Variants in PDE4D observed in about 807,000 individuals in gnomAD.
The protein encoded by PDE4D is 3',5'-cyclic-AMP phosphodiesterase 4D.
A neutral mutation model predicts 87.4 loss-of-function variants in PDE4D; 24 were observed. The ratio of observed to expected loss-of-function variants is 0.27; its 90% CI spans 0.20 to 0.39. The LOEUF is 0.39. Ranked by LOEUF, PDE4D falls within the 10% of genes least tolerant of loss-of-function variation. The pLI is 1.00. For synonymous variants in PDE4D, 384 were observed against 383.2 expected, an observed-to-expected ratio of 1.00 and a Z score of -0.02; for missense variants, 714 against 1,041.0, an observed-to-expected ratio of 0.69 and a Z score of 4.32.
At chr5:59,144,805 AGTTGCTTGACCCAG>A (rs1778364167) in intron 5 of PDE4D, among the ~76,000 whole-genome samples, 1 of 136,862 alleles carries the variant, frequency 7.3e-6, no homozygotes, top group Admixed American at 8.5e-5. Flanking sequence ...AGCCTAGTTA[AGTTGCTTGACCCAG>A]GGTTATAACT....
intron 1 of PDE4D, among the ~76,000 whole-genome samples, chr5:59,848,429 A>AG (rs1227627460): frequency 6.6e-6 from 1 of 152,076 alleles, no homozygotes; most frequent in African/African-American, 2.4e-5. Flanking sequence ...ATATTTAGTT[A>AG]AAATATACAC....
At chr5:60,245,310 T>C (rs1200517631) in intron 1 of PDE4D, among the ~76,000 whole-genome samples, 2 of 151,822 alleles carry the variant, frequency 1.3e-5, no homozygotes, top group African/African-American at 2.4e-5. Context: ...GTGAAGAAAA[T>C]GGAACCCTTG....
chr5:60,468,138 T>TTTTTTTTG (rs1554040608), intron 1 of PDE4D, among the ~76,000 whole-genome samples: 959 of 70,900 alleles, frequency 0.014, 9 homozygotes, highest in African/African-American at 0.051. Flanking sequence ...TTCTTTTTTC[T>TTTTTTTTG]TTTTTTTTTG....
At chr5:59,740,634 G>A (rs1758700018) in intron 1 of PDE4D, among the ~76,000 whole-genome samples, 1 of 152,068 alleles carries the variant, frequency 6.6e-6, no homozygotes, top group African/African-American at 2.4e-5. Context: ...ACCCAATTGT[G>A]GAATTAAATA....
At chr5:60,167,271 T>C (rs1460684691) in intron 2 of PDE4D, among the ~76,000 whole-genome samples, 5 of 131,596 alleles carry the variant, frequency 3.8e-5, no homozygotes, top group African/African-American at 1.7e-4. Context: ...ATTTTCTTTT[T>C]TTTTTTTTTT....
At chr5:60,040,271 GA>G (rs1176124764) in intron 2 of PDE4D, among the ~76,000 whole-genome samples, 3 of 152,304 alleles carry the variant, frequency 2.0e-5, no homozygotes, top group African/African-American at 4.8e-5. Context: ...CTGCTGTGTA[GA>G]AAGACCAGTG....
At chr5:60,158,264 C>T (rs1782165628) in intron 2 of PDE4D, among the ~76,000 whole-genome samples, 1 of 152,174 alleles carries the variant, frequency 6.6e-6, no homozygotes, top group South Asian at 2.1e-4. Flanking sequence ...ATTGTATAGC[C>T]TGTTTCTCCT....
rs551172591 is a variant in PDE4D at position 59,912,231 on chromosome 5, T to A, written c.272+76257A>T. ...CCCAATGACAGAAGAGCCTGATATA[T>A]AGTAGGTGCTCAGAAATCATTTGTT... is the stretch of plus-strand genomic sequence containing the variant. On this transcript the variant is annotated intron_variant, in intron 3 of 16. Coordinates refer to the PDE4D transcript ENST00000502484. 4.6e-5 allele frequency among the ~76,000 whole-genome samples: 7 copies of A among 152,346 alleles called. No individual in the cohort carries two copies. In the South Asian group the frequency reaches 6.2e-4, roughly 14 times the overall value.
chr5:59,528,934 A>G (rs1035700888), intron 1 of PDE4D: 2 of 419,142 alleles, frequency 4.8e-6, no homozygotes, highest in Admixed American at 2.7e-5. Flanking sequence ...CAAATATGAC[A>G]TATCTCTGGA....
intron 1 of PDE4D, among the ~76,000 whole-genome samples, chr5:59,242,086 A>G (rs1215957412): frequency 2.0e-5 from 3 of 152,122 alleles, no homozygotes; most frequent in African/African-American, 7.2e-5. Flanking sequence ...ATGTATGTCA[A>G]TATCCATTTT....
Position 59,921,749 on chromosome 5 carries a change from C to A in PDE4D, c.272+66739G>T, listed in dbSNP as rs1454327667. Among the ~76,000 whole-genome samples the A allele has an allele frequency of 9.2e-5, 14 of 152,144 alleles. No homozygotes were observed. In the East Asian group the frequency reaches 2.7e-3, roughly 29 times the overall value. ...TTTATCAATTTTGTGGGTAACAGGG[C>A]AACATGTTACAGAATAAAAATTATT... is the stretch of plus-strand genomic sequence containing the variant. On this transcript the variant is annotated intron_variant, in intron 3 of 16. Transcript: ENST00000502484.
chr5:59,578,507 G>C (rs1823540435), intron 1 of PDE4D, among the ~76,000 whole-genome samples: 1 of 152,092 alleles, frequency 6.6e-6, no homozygotes, highest in African/African-American at 2.4e-5. Context: ...TTCTCAAGTA[G>C]AGTAAAACGT....
chr5:59,012,592 A>G (rs1753053874), intron 6 of PDE4D, among the ~76,000 whole-genome samples: 1 of 152,232 alleles, frequency 6.6e-6, no homozygotes, highest in African/African-American at 2.4e-5. Flanking sequence ...CAATTCAACA[A>G]GAAGAGCTAA....
intron 6 of PDE4D, among the ~76,000 whole-genome samples, chr5:59,014,458 A>G (rs950706807): frequency 1.3e-5 from 2 of 152,246 alleles, no homozygotes; most frequent in Non-Finnish European, 2.9e-5. Context: ...GTCTCAAGAT[A>G]CAAAACCAAT....
At chr5:59,139,928 T>C (rs1777650189) in intron 5 of PDE4D, among the ~76,000 whole-genome samples, 1 of 152,180 alleles carries the variant, frequency 6.6e-6, no homozygotes, top group African/African-American at 2.4e-5. Context: ...ATCACATACA[T>C]ACAAGTCTAA....
At chr5:60,102,249 C>CT (rs933365243) in intron 2 of PDE4D, among the ~76,000 whole-genome samples, 2 of 151,260 alleles carry the variant, frequency 1.3e-5, no homozygotes, top group African/African-American at 2.4e-5. Flanking sequence ...TGCTTTTTTG[C>CT]TTTTTTTTAG....
At chr5:59,447,136 G>C (rs1387717631) in intron 1 of PDE4D, among the ~76,000 whole-genome samples, 4 of 152,162 alleles carry the variant, frequency 2.6e-5, no homozygotes, top group African/African-American at 9.7e-5. Flanking sequence ...GGCCAAGATT[G>C]ATGTTATGTA....
At chr5:60,171,109 T>C (rs1160993891) in intron 2 of PDE4D, among the ~76,000 whole-genome samples, 1 of 152,036 alleles carries the variant, frequency 6.6e-6, no homozygotes, top group Non-Finnish European at 1.5e-5. Context: ...GTACCAAAGA[T>C]GGAATGACTA....
intron 5 of PDE4D, among the ~76,000 whole-genome samples, chr5:59,069,525 T>TC (rs1224378319): frequency 4.0e-5 from 6 of 150,248 alleles, no homozygotes; most frequent in Non-Finnish European, 7.4e-5. Flanking sequence ...TTTTTTTTTT[T>TC]TCCCTAATCC....
Sources: gnomAD v4.1 joint callset for allele counts (sites outside exome capture counted in the v4.1 genomes callset) on GRCh38, gnomAD v4.1.1 for gene constraint, MANE v1.5 for transcripts, NCBI Gene and HGNC (gene_info 2026-07-23, HGNC 2026-07-21) for gene names.